The following KCTD8 variants were observed in gnomAD, a reference collection of about 807,000 sequenced individuals.
KCTD8 encodes the protein BTB/POZ domain-containing protein KCTD8.
A neutral mutation model predicts 31.5 loss-of-function variants in KCTD8; 27 were observed. That is an observed-to-expected ratio of 0.86 (90% confidence interval 0.63 to 1.18). KCTD8 has a LOEUF of 1.18. Among genes scored for constraint, KCTD8 ranks in the 50% most tolerant of loss-of-function variants. KCTD8 has a pLI of 0.00. For synonymous variants in KCTD8, 290 were observed against 280.0 expected, an observed-to-expected ratio of 1.04 and a Z score of -0.36; for missense variants, 658 against 647.7, an observed-to-expected ratio of 1.02 and a Z score of -0.17.
At chr4:44,385,433 C>A (rs1720185545) in intron 1 of KCTD8, among the ~76,000 whole-genome samples, 2 of 151,574 alleles carry the variant, frequency 1.3e-5, no homozygotes, top group Non-Finnish European at 3.0e-5. Flanking sequence ...ACAAAAGTGC[C>A]AACACTATTC....
At chr4:44,401,218 A>G (rs1044180263) in intron 1 of KCTD8, among the ~76,000 whole-genome samples, 3 of 152,064 alleles carry the variant, frequency 2.0e-5, no homozygotes, top group Non-Finnish European at 2.9e-5. Flanking sequence ...CTGTAGGCAT[A>G]TGGGTGCAGA....
Position 44,417,182 on chromosome 4 carries a change from A to C in KCTD8, c.961+30381T>G, listed in dbSNP as rs185255987. Among the ~76,000 whole-genome samples the C allele has an allele frequency of 3.9e-5, 6 of 152,328 alleles. No homozygotes were observed. In the East Asian group the frequency reaches 1.2e-3, roughly 29 times the overall value. ...ATACAGCAATCTTATTGGGAGCTTT[A>C]AGTACTTCTGGCTTTTCGCCCTTAC... On this transcript the variant is annotated intron_variant, in intron 1 of 1. Coordinates refer to ENST00000360029, the MANE Select transcript of KCTD8 (RefSeq NM_198353.3).
chr4:44,182,314 C>T (rs1331677856), intron 1 of KCTD8, among the ~76,000 whole-genome samples: 1 of 152,170 alleles, frequency 6.6e-6, no homozygotes, highest in Non-Finnish European at 1.5e-5. Context: ...TGAGAACGGG[C>T]CATGATGAAG....
At chr4:44,234,898 T>C (rs898557052) in intron 1 of KCTD8, among the ~76,000 whole-genome samples, 1 of 152,178 alleles carries the variant, frequency 6.6e-6, no homozygotes, top group African/African-American at 2.4e-5. Context: ...CCCAGGCTCA[T>C]TTGTTTCTAA....
chr4:44,187,853 G>C (rs1480422794), intron 1 of KCTD8, among the ~76,000 whole-genome samples: 1 of 152,030 alleles, frequency 6.6e-6, no homozygotes, highest in Non-Finnish European at 1.5e-5. Flanking sequence ...AAACCACGCT[G>C]GTTGTAAATT....
chr4:44,377,727 G>GT (rs1719952006), intron 1 of KCTD8, among the ~76,000 whole-genome samples: 1 of 152,154 alleles, frequency 6.6e-6, no homozygotes, highest in Non-Finnish European at 1.5e-5. Context: ...TTATTATCCT[G>GT]TAGGTAACAT....
chr4:44,291,527 A>G (rs370767875), intron 1 of KCTD8, among the ~76,000 whole-genome samples: 16 of 152,292 alleles, frequency 1.1e-4, no homozygotes, highest in Admixed American at 2.6e-4. Flanking sequence ...ATTGTAGAAG[A>G]AAAGCTAGGA....
At chr4:44,210,232 C>A (rs115064752) in intron 1 of KCTD8, among the ~76,000 whole-genome samples, 3 of 152,116 alleles carry the variant, frequency 2.0e-5, no homozygotes, top group Admixed American at 6.6e-5. Context: ...AATATGAATC[C>A]TTTAAAATTT....
At chr4:44,439,536 C>T (rs1721763293) in intron 1 of KCTD8, among the ~76,000 whole-genome samples, 1 of 152,058 alleles carries the variant, frequency 6.6e-6, no homozygotes, top group Admixed American at 6.6e-5. Flanking sequence ...TTTTTATTAA[C>T]TACTTTGACA....
intron 1 of KCTD8, among the ~76,000 whole-genome samples, chr4:44,348,051 G>C (rs1320536413): frequency 6.6e-6 from 1 of 152,132 alleles, no homozygotes; most frequent in East Asian, 1.9e-4. Flanking sequence ...ATTTTGCTTA[G>C]AAATTCACCA....
chr4:44,361,327 T>C (rs1029194194), intron 1 of KCTD8, among the ~76,000 whole-genome samples: 6 of 152,040 alleles, frequency 3.9e-5, no homozygotes, highest in Non-Finnish European at 8.8e-5. Context: ...TATAGTATAT[T>C]ATAAGATAAT....
intron 1 of KCTD8, among the ~76,000 whole-genome samples, chr4:44,393,093 C>T (rs1345565448): frequency 6.6e-6 from 1 of 151,990 alleles, no homozygotes; most frequent in Non-Finnish European, 1.5e-5. Context: ...AGTTGCAATA[C>T]TGTGACAATA....
chr4:44,332,060 T>A (rs1718603211), intron 1 of KCTD8, among the ~76,000 whole-genome samples: 1 of 151,826 alleles, frequency 6.6e-6, no homozygotes, highest in African/African-American at 2.4e-5. Flanking sequence ...CAAATTTCAT[T>A]CCTTTACCAG....
At chr4:44,426,645 T>C (rs1721355459) in intron 1 of KCTD8, among the ~76,000 whole-genome samples, 1 of 151,720 alleles carries the variant, frequency 6.6e-6, no homozygotes, top group Non-Finnish European at 1.5e-5. Context: ...AAATTTCAAA[T>C]TGGTATAAAA....
intron 1 of KCTD8, among the ~76,000 whole-genome samples, chr4:44,204,829 T>G (rs1459907100): frequency 3.9e-5 from 6 of 151,998 alleles, no homozygotes; most frequent in Non-Finnish European, 7.4e-5. Flanking sequence ...ACAAATAAAA[T>G]ATTATTTTTA....
At chr4:44,243,144 T>A (rs902717253) in intron 1 of KCTD8, among the ~76,000 whole-genome samples, 1 of 152,152 alleles carries the variant, frequency 6.6e-6, no homozygotes, top group Non-Finnish European at 1.5e-5. Flanking sequence ...CAGGAAATGA[T>A]GAAAGACAGA....
chr4:44,444,441 A>T (rs1406966591), intron 1 of KCTD8, among the ~76,000 whole-genome samples: 1 of 152,216 alleles, frequency 6.6e-6, no homozygotes, highest in African/African-American at 2.4e-5. Flanking sequence ...TTGCAAAATA[A>T]TTTTTCCATT....
At chr4:44,202,606 A>T (rs1714183361) in intron 1 of KCTD8, among the ~76,000 whole-genome samples, 1 of 152,100 alleles carries the variant, frequency 6.6e-6, no homozygotes, top group African/African-American at 2.4e-5. Flanking sequence ...GATAAGAACA[A>T]TAGACACTGG....
chr4:44,363,113 A>G (rs759156698), intron 1 of KCTD8, among the ~76,000 whole-genome samples: 32 of 152,122 alleles, frequency 2.1e-4, no homozygotes, highest in Non-Finnish European at 3.4e-4. Flanking sequence ...GGAATTAAAC[A>G]TAAATTTTGT....
Sources: allele counts gnomAD v4.1 joint callset (sites outside exome capture counted in the v4.1 genomes callset), GRCh38; gene constraint gnomAD v4.1.1; transcripts MANE v1.5; gene names NCBI Gene and HGNC (gene_info 2026-07-23, HGNC 2026-07-21).